The following CLYBL variants were observed in gnomAD, a reference collection of about 807,000 sequenced individuals.
CLYBL encodes the protein citramalyl-CoA lyase.
In CLYBL, 31 loss-of-function variants were observed where a neutral mutation model predicts 38.9. That is an observed-to-expected ratio of 0.80 (90% CI 0.60 to 1.08). The LOEUF is 1.08. CLYBL is among the 50% of genes least tolerant of loss of function. CLYBL has a pLI of 0.00. For synonymous variants in CLYBL, 171 were observed against 158.6 expected (o/e 1.08, Z -0.59); for missense variants, 434 against 411.6 (o/e 1.05, Z -0.47).
chr13:99,870,902 TGTTTCGTG>T (rs1277142629), intron 6 of CLYBL, 28 bp from the exon 7 acceptor site: 13 of 1,566,028 alleles, frequency 8.3e-6, no homozygotes, highest in African/African-American at 5.5e-5. Context: ...ATCTGTTCGT[TGTTTCGTG>T]GTTCCGATGT....
chr13:99,781,416 C>A (rs571877082), intron 2 of CLYBL, among the ~76,000 whole-genome samples: 2 of 151,906 alleles, frequency 1.3e-5, no homozygotes, highest in Non-Finnish European at 2.9e-5. Context: ...GTGATCTGCC[C>A]GCCTTGGCCT....
At chr13:99,818,085 A>G (rs1014095336) in intron 2 of CLYBL, among the ~76,000 whole-genome samples, 21 of 148,310 alleles carry the variant, frequency 1.4e-4, no homozygotes, top group Non-Finnish European at 9.0e-5. Flanking sequence ...AGGAAGGGAG[A>G]AAAAAAAAAG....
intron 1 of CLYBL, among the ~76,000 whole-genome samples, chr13:99,703,768 T>G (rs2048106623): frequency 6.6e-6 from 1 of 152,232 alleles, no homozygotes; most frequent in Non-Finnish European, 1.5e-5. Context: ...TTGTTTGTTT[T>G]ATTTGTAAGC....
chr13:99,793,075 G>A (rs1313925280), intron 2 of CLYBL, among the ~76,000 whole-genome samples: 4 of 134,222 alleles, frequency 3.0e-5, no homozygotes, highest in East Asian at 2.2e-4. Flanking sequence ...CACAAAGTAC[G>A]TAGACCTTAA....
chr13:99,715,964 C>T (rs546536614), intron 1 of CLYBL, among the ~76,000 whole-genome samples: 1 of 151,978 alleles, frequency 6.6e-6, no homozygotes, highest in Non-Finnish European at 1.5e-5. Flanking sequence ...AGAAAGAAAG[C>T]GGAGACAAAT....
At chr13:99,665,154 G>A (rs1342576495) in intron 1 of CLYBL, among the ~76,000 whole-genome samples, 1 of 151,208 alleles carries the variant, frequency 6.6e-6, no homozygotes, top group Non-Finnish European at 1.5e-5. Context: ...AGATTAAGTG[G>A]CATAAGTATT....
intron 1 of CLYBL, among the ~76,000 whole-genome samples, chr13:99,659,130 C>T (rs2047372770): frequency 1.3e-5 from 2 of 152,212 alleles, no homozygotes; most frequent in South Asian, 4.1e-4. Context: ...TAGTTGCATG[C>T]TATTCACCCT....
intron 1 of CLYBL, among the ~76,000 whole-genome samples, chr13:99,656,163 G>A (rs1227427145): frequency 6.6e-6 from 1 of 152,164 alleles, no homozygotes; most frequent in Non-Finnish European, 1.5e-5. Flanking sequence ...AGCAGAAAAG[G>A]TACAGTAATC....
chr13:99,827,131 C>T (rs2050709934), intron 2 of CLYBL, among the ~76,000 whole-genome samples: 1 of 152,178 alleles, frequency 6.6e-6, no homozygotes, highest in African/African-American at 2.4e-5. Context: ...TGGCCATTCC[C>T]AGGCAGATGA....
intron 2 of CLYBL, among the ~76,000 whole-genome samples, chr13:99,785,712 C>CA (rs371210644): frequency 4.9e-4 from 74 of 152,032 alleles, no homozygotes; most frequent in South Asian, 1.9e-3. Flanking sequence ...TTCTTTGCCT[C>CA]AGCCTCTCCG....
At chr13:99,826,389 T>G (rs2139054224) in intron 2 of CLYBL, among the ~76,000 whole-genome samples, 1 of 152,324 alleles carries the variant, frequency 6.6e-6, no homozygotes, top group South Asian at 2.1e-4. Context: ...GACTTGTCAA[T>G]CCACAGTCTC....
At chr13:99,782,944 CAGTT>C (rs1262293720) in intron 2 of CLYBL, among the ~76,000 whole-genome samples, 1 of 151,962 alleles carries the variant, frequency 6.6e-6, no homozygotes. Context: ...GTTACATTCT[CAGTT>C]AGTTCTTCAT....
At chr13:99,744,883 C>G (rs1166058546) in intron 1 of CLYBL, among the ~76,000 whole-genome samples, 1 of 152,218 alleles carries the variant, frequency 6.6e-6, no homozygotes, top group Non-Finnish European at 1.5e-5. Flanking sequence ...CTCAGTGTTT[C>G]TCTGTCCTCC....
intron 2 of CLYBL, among the ~76,000 whole-genome samples, chr13:99,783,480 G>C (rs371141023): frequency 6.6e-6 from 1 of 150,412 alleles, no homozygotes; most frequent in African/African-American, 2.4e-5. Context: ...TTTTTGAGAC[G>C]GAGTGTTGCT....
intron 1 of CLYBL, among the ~76,000 whole-genome samples, chr13:99,615,359 T>C (rs569088734): frequency 1.3e-5 from 2 of 152,356 alleles, no homozygotes; most frequent in East Asian, 3.9e-4. Context: ...GGAATGCAGG[T>C]TTCTAAGAAG....
intron 2 of CLYBL, among the ~76,000 whole-genome samples, chr13:99,807,516 A>G (rs961440448): frequency 2.0e-5 from 3 of 152,182 alleles, no homozygotes; most frequent in Admixed American, 6.6e-5. Flanking sequence ...GATACATGCT[A>G]CAACATGGAT....
rs372645421 is a variant in CLYBL at position 99,695,515 on chromosome 13, A to AT, written c.63-77299dup. Among the ~76,000 whole-genome samples, 67 of 149,604 alleles carry AT rather than the reference A, an allele frequency of 4.5e-4. No individual in the cohort carries two copies. The East Asian group carries it at 0.011, about 25-fold the overall frequency. On this transcript the variant is annotated intron_variant, in intron 1 of 8. Transcript: ENST00000339105. Reference sequence around the variant, plus strand: ...ATTCTTCTTGGTGTTCCTGTGTGACATTTTTTTTTTCCTTTTTGTTTTGAG... The same window carrying AT: ...ATTCTTCTTGGTGTTCCTGTGTGACATTTTTTTTTTTCCTTTTTGTTTTGAG...
At chr13:99,736,038 CTTTTTTTTTTT>C (rs767129851) in intron 1 of CLYBL, among the ~76,000 whole-genome samples, 26 of 76,196 alleles carry the variant, frequency 3.4e-4, no homozygotes, top group African/African-American at 7.9e-4. Context: ...CGTTTCTTTT[CTTTTTTTTTTT>C]TTTTTTTTTT....
chr13:99,843,144 A>G (rs921790276), intron 2 of CLYBL, among the ~76,000 whole-genome samples: 2 of 152,140 alleles, frequency 1.3e-5, no homozygotes, highest in Non-Finnish European at 2.9e-5. Flanking sequence ...GGAGGCTGTG[A>G]GAGTTGGAGC....
Sources: gnomAD v4.1 joint callset for allele counts (sites outside exome capture counted in the v4.1 genomes callset) on GRCh38, gnomAD v4.1.1 for gene constraint, MANE v1.5 for transcripts, NCBI Gene and HGNC (gene_info 2026-07-23, HGNC 2026-07-21) for gene names.